Variants in NXN observed in about 807,000 individuals in gnomAD.
The protein encoded by NXN is nucleoredoxin 1.
Under a neutral mutation model 48.6 loss-of-function variants are expected in NXN, and 16 were observed. The observed-to-expected ratio is 0.33, with a 90% CI of 0.22 to 0.50. The LOEUF is 0.50. NXN is among the 20% of genes least tolerant of loss of function. NXN has a pLI of 0.98. For missense variants in NXN, 492 were observed against 605.5 expected, an observed-to-expected ratio of 0.81 and a Z score of 1.97; for synonymous variants, 281 against 269.6, an observed-to-expected ratio of 1.04 and a Z score of -0.41.
chr17:920,558 G>A lies in NXN; in HGVS notation c.360+58761C>T, dbSNP rs899342779. Among the ~76,000 whole-genome samples the A allele has an allele frequency of 1.3e-5, 2 of 151,902 alleles. No individual in the cohort carries two copies. Among genetic ancestry groups the A allele is most frequent in the Non-Finnish European group, 2.9e-5 (2 of 67,992 alleles). On this transcript the variant is annotated intron_variant, in intron 1 of 7. Transcript: ENST00000336868. The surrounding 1 kb of genome is among the most constrained non-coding windows in gnomAD (Gnocchi z 4.6). Reference sequence around the variant, plus strand: ...TTCTCCCAGGCTCTCAACCCTCGACGCTCATCCAGGTTCATTCGCCATCCG... The same window carrying A: ...TTCTCCCAGGCTCTCAACCCTCGACACTCATCCAGGTTCATTCGCCATCCG...
At chr17:852,599 G>A (rs551091538) in intron 1 of NXN, among the ~76,000 whole-genome samples, 4 of 152,252 alleles carry the variant, frequency 2.6e-5, no homozygotes, top group African/African-American at 7.2e-5. Context: ...ATTTGGATAC[G>A]GGGCTCCTGG....
intron 5 of NXN, among the ~76,000 whole-genome samples, chr17:816,930 C>G (rs988589726): frequency 6.6e-6 from 1 of 152,188 alleles, no homozygotes; most frequent in South Asian, 2.1e-4. Context: ...TTAAGTGTCT[C>G]TGCAGAGGGC....
chr17:887,312 A>G (rs2068359634), intron 1 of NXN, among the ~76,000 whole-genome samples: 1 of 152,136 alleles, frequency 6.6e-6, no homozygotes, highest in African/African-American at 2.4e-5. Flanking sequence ...GGTTTGGCGG[A>G]GGTGCAGGGG....
chr17:937,516 A>C (rs2068920395), intron 1 of NXN, among the ~76,000 whole-genome samples: 1 of 152,184 alleles, frequency 6.6e-6, no homozygotes, highest in Non-Finnish European at 1.5e-5. Context: ...GGGAAAAGCC[A>C]AAACTCTCCG....
intron 6 of NXN, 36 bp downstream of exon 6, chr17:805,032 G>GC: frequency 8.5e-7 from 1 of 1,177,982 alleles, no homozygotes; most frequent in Non-Finnish European, 1.2e-6. Flanking sequence ...CCGCCCCCCA[G>GC]CCACCCCTCG....
At chr17:933,670 A>T (rs767089314) in intron 1 of NXN, among the ~76,000 whole-genome samples, 21 of 151,980 alleles carry the variant, frequency 1.4e-4, no homozygotes, top group Non-Finnish European at 2.5e-4. Context: ...TTGGCCTCCC[A>T]CTAACTTAAA....
At chr17:961,926 G>A (rs991115430) in intron 1 of NXN, among the ~76,000 whole-genome samples, 2 of 152,130 alleles carry the variant, frequency 1.3e-5, no homozygotes, top group Non-Finnish European at 1.5e-5. Context: ...CCTGAGGTCA[G>A]GAGTTCAAGA....
rs1365590144 is a variant in NXN at position 891,776 on chromosome 17, G to GCA, written c.361-65700_361-65699dup. 4.7e-3 allele frequency among the ~76,000 whole-genome samples: 718 copies of GCA among 151,284 alleles called. 4 individuals are homozygous for GCA. Among genetic ancestry groups the GCA allele is most frequent in the East Asian group, 8.9e-3 (45 of 5,070 alleles). ...AGGGAACCTAAGCTAACCCCACCAT[G>GCA]CAGAACCCAACAGGGAACCTAAACT... is the stretch of plus-strand genomic sequence containing the variant. On this transcript the variant is annotated intron_variant, in intron 1 of 7. Transcript: ENST00000336868.
chr17:834,803 G>C (rs554342524), intron 1 of NXN, among the ~76,000 whole-genome samples: 1 of 151,846 alleles, frequency 6.6e-6, no homozygotes, highest in Non-Finnish European at 1.5e-5. Context: ...TTACATGTGT[G>C]AGCCACTGTG....
At chr17:912,330 C>T (rs1240089758) in intron 1 of NXN, among the ~76,000 whole-genome samples, 2 of 152,086 alleles carry the variant, frequency 1.3e-5, no homozygotes, top group South Asian at 2.1e-4. Context: ...GAGGGTCAAC[C>T]GTATTTGTAA....
At chr17:803,988 C>T (rs547545870) in intron 6 of NXN, 182 bp from the exon 7 acceptor site, 52 of 711,730 alleles carry the variant, frequency 7.3e-5, no homozygotes, top group African/African-American at 7.3e-4. Context: ...TGTGCACATG[C>T]GTCCCAGCAG....
At chr17:826,890 T>C (rs1285834186) in intron 1 of NXN, among the ~76,000 whole-genome samples, 1 of 152,214 alleles carries the variant, frequency 6.6e-6, no homozygotes, top group African/African-American at 2.4e-5. Flanking sequence ...GGAATAAAGC[T>C]GACAAAATGT....
chr17:872,602 C>T, intron 1 of NXN, among the ~76,000 whole-genome samples: 1 of 143,920 alleles, frequency 6.9e-6, no homozygotes, highest in Non-Finnish European at 1.5e-5. Context: ...GACTATGTTT[C>T]CGGGTGAGAT....
intron 5 of NXN, among the ~76,000 whole-genome samples, chr17:813,047 G>A (rs1421796120): frequency 6.6e-6 from 1 of 152,156 alleles, no homozygotes; most frequent in East Asian, 1.9e-4. Flanking sequence ...GTGTGAGCGT[G>A]TGTGTGCGTG....
intron 1 of NXN, among the ~76,000 whole-genome samples, chr17:963,319 C>T (rs560434726): frequency 7.9e-5 from 12 of 151,926 alleles, no homozygotes; most frequent in African/African-American, 1.7e-4. Context: ...ATGCTATATC[C>T]GGGCTAGGCG....
At chr17:833,173 G>C (rs1404577389) in intron 1 of NXN, among the ~76,000 whole-genome samples, 1 of 152,144 alleles carries the variant, frequency 6.6e-6, no homozygotes, top group Non-Finnish European at 1.5e-5. Context: ...TTACAGGCAT[G>C]AGCCACCGCA....
chr17:873,493 C>CAAAAAAAA (rs71145783), intron 1 of NXN, among the ~76,000 whole-genome samples: 18 of 74,998 alleles, frequency 2.4e-4, no homozygotes, highest in African/African-American at 4.9e-4. Context: ...ACACTGTCTC[C>CAAAAAAAA]AAAAAAAAAA....
intron 1 of NXN, among the ~76,000 whole-genome samples, chr17:868,324 G>C (rs541462633): frequency 2.6e-5 from 4 of 152,136 alleles, no homozygotes; most frequent in Non-Finnish European, 5.9e-5. Context: ...CCAGCTCCTT[G>C]ATGAGAATCA....
At position 953,904 on chromosome 17, in the gene NXN, C is replaced by A. The variant is rs143617326; in HGVS notation, c.360+25415G>T. ...TGGGCCATGACCGTGCCACTGCACC[C>A]CAGCCTGCGTGACGGGTGCGGGAGG... On this transcript the variant is annotated intron_variant, in intron 1 of 7. Coordinates refer to ENST00000336868, the MANE Select transcript of NXN (RefSeq NM_022463.5). 4.1e-4 allele frequency among the ~76,000 whole-genome samples: 62 copies of A among 152,244 alleles called. No individual in the cohort carries two copies. The East Asian group carries it at 9.9e-3, about 24-fold the overall frequency.
Sources: gnomAD v4.1 joint callset for allele counts (sites outside exome capture counted in the v4.1 genomes callset) on GRCh38, gnomAD v4.1.1 for gene constraint, Gnocchi (gnomAD v3.1) non-coding constraint, MANE v1.5 for transcripts, NCBI Gene and HGNC (gene_info 2026-07-23, HGNC 2026-07-21) for gene names.